The following LRP1B variants were observed in gnomAD, a reference collection of about 807,000 sequenced individuals.
The protein encoded by LRP1B is LDL receptor related protein 1B, also known as low-density lipoprotein receptor-related protein 1B.
Under a neutral mutation model 556.6 loss-of-function variants are expected in LRP1B, and 217 were observed. That is an observed-to-expected ratio of 0.39 (90% CI 0.35 to 0.44). LRP1B has a LOEUF of 0.44. Among genes scored for constraint, LRP1B ranks in the 20% least tolerant of loss-of-function variants. The pLI is 1.00. For missense variants in LRP1B, 5,053 were observed against 5,620.8 expected, an observed-to-expected ratio of 0.90 and a Z score of 3.23; for synonymous variants, 2,047 against 1,865.8, an observed-to-expected ratio of 1.10 and a Z score of -2.50.
chr2:141,941,153 G>A (rs896828855), intron 1 of LRP1B, among the ~76,000 whole-genome samples: 2 of 152,140 alleles, frequency 1.3e-5, no homozygotes, highest in African/African-American at 2.4e-5. Flanking sequence ...AACATAAAAG[G>A]ATTCACCATT....
At chr2:141,112,637 G>A (rs1445094707) in intron 7 of LRP1B, among the ~76,000 whole-genome samples, 3 of 152,184 alleles carry the variant, frequency 2.0e-5, no homozygotes, top group Non-Finnish European at 4.4e-5. Flanking sequence ...AGAGGCACAT[G>A]TAAAAGATTA....
chr2:141,915,939 G>A (rs952568157), intron 1 of LRP1B, among the ~76,000 whole-genome samples: 1 of 152,152 alleles, frequency 6.6e-6, no homozygotes, highest in Non-Finnish European at 1.5e-5. Context: ...ACAGATCCTG[G>A]CAAGGCTGTG....
intron 46 of LRP1B, among the ~76,000 whole-genome samples, chr2:140,536,250 G>C (rs895071092): frequency 1.4e-5 from 2 of 141,750 alleles, no homozygotes; most frequent in Admixed American, 7.4e-5. Flanking sequence ...TGAAGTGGGA[G>C]GATTGCTTGA....
chr2:140,687,164 A>C (rs1686078542), intron 41 of LRP1B, among the ~76,000 whole-genome samples: 3 of 152,092 alleles, frequency 2.0e-5, no homozygotes, highest in Non-Finnish European at 4.4e-5. Context: ...TTCTGAGAGA[A>C]GAGGAAAAGT....
At chr2:141,084,220 A>G (rs1457220254) in intron 7 of LRP1B, among the ~76,000 whole-genome samples, 1 of 152,190 alleles carries the variant, frequency 6.6e-6, no homozygotes, top group Non-Finnish European at 1.5e-5. Flanking sequence ...CATAAATATC[A>G]CAAGAAAAAT....
chr2:141,592,107 G>A (rs1687361282), intron 2 of LRP1B, among the ~76,000 whole-genome samples: 1 of 151,930 alleles, frequency 6.6e-6, no homozygotes, highest in African/African-American at 2.4e-5. Context: ...CACCAACATT[G>A]ACTGTGTTGC....
At chr2:140,294,141 A>G (rs1683508690) in intron 84 of LRP1B, among the ~76,000 whole-genome samples, 1 of 152,192 alleles carries the variant, frequency 6.6e-6, no homozygotes, top group South Asian at 2.1e-4. Flanking sequence ...TTAATTAAGA[A>G]TACTGTTGTT....
At chr2:140,569,162 C>A (rs1681231740) in intron 43 of LRP1B, among the ~76,000 whole-genome samples, 3 of 151,850 alleles carry the variant, frequency 2.0e-5, no homozygotes, top group Admixed American at 6.6e-5. Context: ...GATAAAGGAA[C>A]AAACTACACA....
chr2:140,755,530 A>G (rs1688715219), intron 35 of LRP1B, among the ~76,000 whole-genome samples: 1 of 152,010 alleles, frequency 6.6e-6, no homozygotes, highest in Non-Finnish European at 1.5e-5. Flanking sequence ...TTGGAAATAT[A>G]TTAATTTATT....
chr2:141,366,184 A>G (rs1689028784), intron 3 of LRP1B, among the ~76,000 whole-genome samples: 2 of 152,156 alleles, frequency 1.3e-5, no homozygotes, highest in Admixed American at 6.5e-5. Flanking sequence ...ATGGTCCTCA[A>G]TTTTCCAAGA....
At chr2:141,213,490 A>T (rs1013267884) in intron 6 of LRP1B, among the ~76,000 whole-genome samples, 129 of 152,236 alleles carry the variant, frequency 8.5e-4, no homozygotes, top group African/African-American at 2.9e-3. Context: ...GAACATTTAG[A>T]CACACTTGTT....
chr2:140,735,631 C>T (rs1687921518), intron 35 of LRP1B, among the ~76,000 whole-genome samples: 1 of 152,166 alleles, frequency 6.6e-6, no homozygotes, highest in Admixed American at 6.5e-5. Context: ...ACCCCTTGGA[C>T]TCGCAGAGTT....
intron 77 of LRP1B, among the ~76,000 whole-genome samples, chr2:140,337,257 T>G (rs546696502): frequency 6.6e-6 from 1 of 151,864 alleles, no homozygotes; most frequent in Non-Finnish European, 1.5e-5. Flanking sequence ...TATTGGACTT[T>G]AAAACTGAAA....
chr2:141,240,116 C>T (rs1448207468), intron 5 of LRP1B, among the ~76,000 whole-genome samples: 1 of 151,992 alleles, frequency 6.6e-6, no homozygotes, highest in Non-Finnish European at 1.5e-5. Context: ...GAAATACACA[C>T]ATTTAAAAAT....
intron 2 of LRP1B, among the ~76,000 whole-genome samples, chr2:141,702,358 C>T (rs1691970873): frequency 6.6e-6 from 1 of 151,894 alleles, no homozygotes; most frequent in Non-Finnish European, 1.5e-5. Context: ...GAGGCAGCTT[C>T]CCCTCAGCTA....
At chr2:142,034,734 A>T (rs1446960732) in intron 1 of LRP1B, among the ~76,000 whole-genome samples, 1 of 151,838 alleles carries the variant, frequency 6.6e-6, no homozygotes, top group Admixed American at 6.6e-5. Flanking sequence ...GAAAGCTAAG[A>T]AACCATAAGT....
intron 9 of LRP1B, among the ~76,000 whole-genome samples, chr2:141,058,525 CT>C (rs1262612875): frequency 6.6e-6 from 1 of 151,804 alleles, no homozygotes; most frequent in Non-Finnish European, 1.5e-5. Flanking sequence ...TGGACAGATA[CT>C]TCAAGGCAGT....
chr2:140,503,852 A>C (rs1177297340), intron 53 of LRP1B, among the ~76,000 whole-genome samples: 1 of 152,096 alleles, frequency 6.6e-6, no homozygotes, highest in Non-Finnish European at 1.5e-5. Flanking sequence ...GGGAGGGGGT[A>C]AGATTTTTAT....
chr2:140,615,763 G>T lies in LRP1B; in HGVS notation c.6800-14124C>A, dbSNP rs565761198. ...CCTCAGATAAATACCTTCTCAACAT[G>T]CCTTCCTCACCTCTTTACACTTGTC... On this transcript the variant is annotated intron_variant, in intron 41 of 90. Coordinates refer to ENST00000389484, the MANE Select transcript of LRP1B (RefSeq NM_018557.3). 0.02 allele frequency among the ~76,000 whole-genome samples: 38 copies of T among 1,946 alleles called. 1 individual carries two copies. The South Asian group carries it at 0.36, about 18-fold the overall frequency. The allele number at this position is 1,946 out of a possible 152,430, so 1.3% of individuals were successfully genotyped here. A position where few individuals can be genotyped will look rare whatever the true frequency, so the allele number is the denominator to read the frequency against.
Sources: gnomAD v4.1 joint callset for allele counts (sites outside exome capture counted in the v4.1 genomes callset) on GRCh38, gnomAD v4.1.1 for gene constraint, MANE v1.5 for transcripts, NCBI Gene and HGNC (gene_info 2026-07-23, HGNC 2026-07-21) for gene names.